The following TBC1D15 variants were observed in gnomAD, a reference collection of about 807,000 sequenced individuals.
The protein encoded by TBC1D15 is GAP for RAB7.
TBC1D15 carries 39 observed loss-of-function variants against 95.4 expected under a neutral mutation model. That is an observed-to-expected ratio of 0.41 (90% CI 0.32 to 0.53). The LOEUF (loss-of-function observed/expected upper bound fraction) is 0.53, where lower values mean the gene tolerates loss of function less well. Among genes scored for constraint, TBC1D15 ranks in the 20% least tolerant of loss-of-function variants. TBC1D15 has a pLI of 0.29. For synonymous variants in TBC1D15, 258 were observed against 261.3 expected (o/e 0.99, Z 0.12); for missense variants, 733 against 794.3 (o/e 0.92, Z 0.93).
At chr12:71,909,106 C>G (rs1441457755) in intron 11 of TBC1D15, among the ~76,000 whole-genome samples, 1 of 152,194 alleles carries the variant, frequency 6.6e-6, no homozygotes, top group African/African-American at 2.4e-5. Flanking sequence ...TGTCCCAAAC[C>G]AGCTAACTGG....
At chr12:71,877,359 T>A (rs1894110571) in intron 3 of TBC1D15, among the ~76,000 whole-genome samples, 1 of 151,642 alleles carries the variant, frequency 6.6e-6, no homozygotes, top group South Asian at 2.1e-4. Context: ...GAAACTTCTG[T>A]CTTTTTTTTT....
chr12:71,897,602 C>A (rs1898459823), intron 9 of TBC1D15, among the ~76,000 whole-genome samples: 1 of 151,854 alleles, frequency 6.6e-6, no homozygotes, highest in Non-Finnish European at 1.5e-5. Context: ...TAAAAGAATA[C>A]CTAAAATTAT....
chr12:71,917,881 A>G, intron 13 of TBC1D15, 84 bp downstream of exon 13: 1 of 882,872 alleles, frequency 1.1e-6, no homozygotes, highest in Non-Finnish European at 1.8e-6. Context: ...TAAAGAAGCC[A>G]GGTGCAGTGG....
At chr12:71,881,713 C>G (rs1001418655) in intron 4 of TBC1D15, among the ~76,000 whole-genome samples, 2 of 151,832 alleles carry the variant, frequency 1.3e-5, no homozygotes, top group African/African-American at 2.4e-5. Context: ...GTCAGGAGAT[C>G]GAGATCACCA....
At chr12:71,869,782 G>A (rs1377273558) in intron 1 of TBC1D15, among the ~76,000 whole-genome samples, 1 of 151,920 alleles carries the variant, frequency 6.6e-6, no homozygotes, top group Admixed American at 6.6e-5. Flanking sequence ...TGAGCATCTG[G>A]TTCACCCTCC....
At chr12:71,874,736 C>T (rs1311994480) in intron 3 of TBC1D15, among the ~76,000 whole-genome samples, 3 of 149,174 alleles carry the variant, frequency 2.0e-5, no homozygotes, top group African/African-American at 5.0e-5. Context: ...AATTCTCATG[C>T]CTCAGCCTTC....
chr12:71,923,168 A>G lies in TBC1D15; in HGVS notation c.1989A>G (p.Pro663=), dbSNP rs1354489920. 4.3e-6 allele frequency: 7 copies of G among 1,614,186 alleles called. No individual in the cohort carries two copies. Among genetic ancestry groups the G allele is most frequent in the Non-Finnish European group, 5.9e-6 (7 of 1,180,030 alleles). Residue 663 remains proline (P), a synonymous_variant, in exon 17 of 17, where the codon CCA becomes CCG. Transcript: ENST00000485960. The part of the protein sequence containing the change: ...GARNDSPTQI[P]VSSDVCRLTP... The stretch of plus-strand genomic sequence containing the variant: ...GAAATGACAGCCCAACACAGATACC[A>G]GTGTCCTCAGATGTCTGCAGATTAA...
chr12:71,878,382 A>G (rs1003434590), intron 3 of TBC1D15, among the ~76,000 whole-genome samples: 1 of 152,040 alleles, frequency 6.6e-6, no homozygotes, highest in African/African-American at 2.4e-5. Context: ...GCCTTTTTGT[A>G]TGCAGAGTTG....
chr12:71,880,738 C>G, intron 4 of TBC1D15, 131 bp downstream of exon 4: 1 of 1,037,976 alleles, frequency 9.6e-7, no homozygotes, highest in Non-Finnish European at 1.3e-6. Context: ...AGGTATAAAT[C>G]TCATATTTTA....
In TBC1D15 at chr12:71,914,072, T is replaced by C. The variant is rs1358714218; in HGVS notation, c.1401+146T>C. ...GCCTTTTGTTACTTTTTCTTTTTAGTAGCCTTTCAAGGGCTTAGAAATACT... is the reference window on the plus strand; with the variant it reads ...GCCTTTTGTTACTTTTTCTTTTTAGCAGCCTTTCAAGGGCTTAGAAATACT... On this transcript the variant is annotated intron_variant, in intron 12 of 16. Coordinates refer to ENST00000485960, the MANE Select transcript of TBC1D15 (RefSeq NM_001146213.3). 7.0e-6 allele frequency: 4 copies of C among 569,854 alleles called. No individual in the cohort carries two copies. In the East Asian group the frequency reaches 1.0e-4, roughly 15 times the overall value. 35.3% of individuals were successfully genotyped at this position (569,854 alleles called of 1,614,324 possible).
In TBC1D15 at chr12:71,923,307, T is replaced by A; in HGVS notation, c.*103T>A. ...TCTTGGTATTGATCATGCTTTAAGGTTTATGTAAAGAAAGTGTACTGATGT... is the reference window on the plus strand; with the variant it reads ...TCTTGGTATTGATCATGCTTTAAGGATTATGTAAAGAAAGTGTACTGATGT... On this transcript the variant is annotated 3_prime_UTR_variant, in exon 17 of 17. Coordinates refer to ENST00000485960, the MANE Select transcript of TBC1D15 (RefSeq NM_001146213.3). 1 of 1,046,584 alleles carries A rather than the reference T, an allele frequency of 9.6e-7. No individual in the cohort carries two copies. Among genetic ancestry groups the A allele is most frequent in the Non-Finnish European group, 1.4e-6 (1 of 706,456 alleles). The allele number at this position is 1,046,584 out of a possible 1,614,324, so 64.8% of individuals were successfully genotyped here.
intron 2 of TBC1D15, 44 bp from the exon 3 acceptor site, chr12:71,872,885 C>A: frequency 7.3e-7 from 1 of 1,372,324 alleles, no homozygotes; most frequent in Non-Finnish European, 1.0e-6. Flanking sequence ...TTAAGAATAA[C>A]ATATTGCTGA....
At chr12:71,886,491 C>T (rs917138651) in intron 5 of TBC1D15, among the ~76,000 whole-genome samples, 1 of 152,196 alleles carries the variant, frequency 6.6e-6, no homozygotes, top group Non-Finnish European at 1.5e-5. Context: ...TTATAATGTC[C>T]TCACTTTATA....
At chr12:71,864,311 G>A (rs1364088158) in intron 1 of TBC1D15, among the ~76,000 whole-genome samples, 1 of 151,992 alleles carries the variant, frequency 6.6e-6, no homozygotes, top group African/African-American at 2.4e-5. Context: ...CTCATGATCT[G>A]CTCACCTCAG....
intron 9 of TBC1D15, chr12:71,897,105 C>G: frequency 5.5e-6 from 1 of 182,916 alleles, no homozygotes; most frequent in Non-Finnish European, 1.1e-5. Context: ...CATCTTGATT[C>G]ATTTTTATAA....
chr12:71,917,546 C>T (rs1041725151), intron 12 of TBC1D15, 152 bp from the exon 13 acceptor site: 12 of 479,510 alleles, frequency 2.5e-5, no homozygotes, highest in African/African-American at 7.9e-5. Context: ...TTTAGTGTTA[C>T]GTTAGATTTT....
intron 15 of TBC1D15, among the ~76,000 whole-genome samples, 177 bp from the exon 16 acceptor site, chr12:71,921,191 A>G (rs914157580): frequency 1.3e-5 from 2 of 152,208 alleles, no homozygotes; most frequent in Non-Finnish European, 2.9e-5. Context: ...TAGCTTTAAA[A>G]CTTGAAATAA....
chr12:71,877,626 T>G (rs1193543281), intron 3 of TBC1D15, among the ~76,000 whole-genome samples: 1 of 151,778 alleles, frequency 6.6e-6, no homozygotes, highest in Non-Finnish European at 1.5e-5. Flanking sequence ...AATTCACTTT[T>G]CTATTGCCTT....
At chr12:71,909,373 A>G (rs1901608334) in intron 11 of TBC1D15, among the ~76,000 whole-genome samples, 1 of 152,210 alleles carries the variant, frequency 6.6e-6, no homozygotes, top group Admixed American at 6.5e-5. Flanking sequence ...GTATAGGTGT[A>G]TTTGCATTGA....
Sources: allele counts gnomAD v4.1 joint callset (sites outside exome capture counted in the v4.1 genomes callset), GRCh38; gene constraint gnomAD v4.1.1; transcripts MANE v1.5; gene names NCBI Gene and HGNC (gene_info 2026-07-23, HGNC 2026-07-21).